Variants in PPIP5K2 observed in about 807,000 individuals in gnomAD.
PPIP5K2 encodes the protein inositol hexakisphosphate and diphosphoinositol-pentakisphosphate kinase 2.
PPIP5K2 carries 105 observed loss-of-function variants against 154.6 expected under a neutral mutation model. The observed-to-expected ratio is 0.68, with a 90% CI of 0.58 to 0.80. The LOEUF is 0.80. Ranked by LOEUF, PPIP5K2 falls within the 30% of genes least tolerant of loss-of-function variation. The pLI, the probability that PPIP5K2 is intolerant of heterozygous loss-of-function variation, is 0.00. For missense variants in PPIP5K2, 992 were observed against 1,504.6 expected, an observed-to-expected ratio of 0.66 and a Z score of 5.64; for synonymous variants, 480 against 490.3, an observed-to-expected ratio of 0.98 and a Z score of 0.28.
chr5:103,149,521 G>A (rs1043358586), intron 8 of PPIP5K2, among the ~76,000 whole-genome samples: 3 of 151,974 alleles, frequency 2.0e-5, no homozygotes, highest in Admixed American at 2.0e-4. Context: ...AATTTATTCA[G>A]AAATTAAAAA....
chr5:103,157,363 A>G (rs553623292), intron 14 of PPIP5K2, among the ~76,000 whole-genome samples: 23 of 152,312 alleles, frequency 1.5e-4, no homozygotes, highest in African/African-American at 5.1e-4. Flanking sequence ...GCTGCTCTTG[A>G]ATACCTTTTG....
intron 2 of PPIP5K2, among the ~76,000 whole-genome samples, 187 bp downstream of exon 2, chr5:103,129,890 A>G (rs921335616): frequency 3.3e-5 from 5 of 152,206 alleles, no homozygotes; most frequent in African/African-American, 1.2e-4. Context: ...TATGTTGTTT[A>G]ATGATGCCTA....
chr5:103,126,375 G>GA (rs201166636), intron 1 of PPIP5K2, among the ~76,000 whole-genome samples: 49 of 150,826 alleles, frequency 3.2e-4, no homozygotes, highest in African/African-American at 9.0e-4. Flanking sequence ...ATACCCTTGG[G>GA]AAAAAAAAAT....
At chr5:103,165,363 C>T (rs901534779) in intron 17 of PPIP5K2, among the ~76,000 whole-genome samples, 1 of 152,002 alleles carries the variant, frequency 6.6e-6, no homozygotes, top group African/African-American at 2.4e-5. Flanking sequence ...CCAAGTTAAG[C>T]CTACCTTTGA....
At chr5:103,137,437 T>C (rs32848) in intron 4 of PPIP5K2, among the ~76,000 whole-genome samples, 51,784 of 151,936 alleles carry the variant, frequency 0.34, 9,269 homozygotes, top group East Asian at 0.45. Context: ...GCTGGGATTA[T>C]AGGTGTGAGC....
chr5:103,176,294 T>A (rs541387912), intron 21 of PPIP5K2, among the ~76,000 whole-genome samples: 1 of 151,994 alleles, frequency 6.6e-6, no homozygotes, highest in Non-Finnish European at 1.5e-5. Flanking sequence ...TACTGGAGTA[T>A]CACAAAATCA....
At chr5:103,185,109 G>A (rs911098378) in intron 26 of PPIP5K2, among the ~76,000 whole-genome samples, 6 of 151,940 alleles carry the variant, frequency 3.9e-5, no homozygotes, top group African/African-American at 1.2e-4. Flanking sequence ...CCATTTTTCT[G>A]GTTAAAAATA....
chr5:103,131,675 T>C (rs1256337871), intron 2 of PPIP5K2, among the ~76,000 whole-genome samples: 5 of 152,192 alleles, frequency 3.3e-5, no homozygotes, highest in Admixed American at 6.5e-5. Flanking sequence ...TTTATAAAAT[T>C]ATTTATTCCA....
chr5:103,161,786 T>A (rs1189717247), intron 17 of PPIP5K2, among the ~76,000 whole-genome samples: 1 of 152,192 alleles, frequency 6.6e-6, no homozygotes, highest in African/African-American at 2.4e-5. Flanking sequence ...CTTCACCCAC[T>A]TTTTGATGGG....
Position 103,184,680 on chromosome 5 carries a change from T to C in PPIP5K2, c.3105T>C (p.Ser1035=), listed in dbSNP as rs148545184. The stretch of plus-strand genomic sequence containing the variant: ...TTGGATTCCTTATGCAGGTTGTATC[T>C]GAAAATGCTAATTACCTGAGAACAC... ...SIFGSWQQVV[S]ENANYLRTPR... The change falls in exon 26 of 31, where the codon TCT becomes TCC. Residue 1035 remains serine (S), a synonymous_variant. Transcript: ENST00000358359. The C allele has an allele frequency of 7.4e-6, 12 of 1,611,146 alleles. No homozygotes were observed. The highest frequency in any genetic ancestry group is 9.3e-6 in the Non-Finnish European group (11 of 1,177,650).
intron 1 of PPIP5K2, among the ~76,000 whole-genome samples, chr5:103,128,966 A>G (rs1554201578): frequency 6.6e-6 from 1 of 152,120 alleles, no homozygotes; most frequent in Admixed American, 6.6e-5. Flanking sequence ...TTTCATAACT[A>G]TGTGCTAAGA....
intron 30 of PPIP5K2, among the ~76,000 whole-genome samples, chr5:103,197,481 C>T (rs189038477): frequency 1.3e-5 from 2 of 150,300 alleles, no homozygotes; most frequent in East Asian, 3.9e-4. Flanking sequence ...TGATCATTCT[C>T]ACTAGGGATT....
At chr5:103,129,841 C>A in intron 2 of PPIP5K2, 138 bp downstream of exon 2, 1 of 1,185,338 alleles carries the variant, frequency 8.4e-7, no homozygotes, top group Non-Finnish European at 1.1e-6. Context: ...GTTGTTGAAT[C>A]TATGATGAAT....
chr5:103,159,270 C>G lies in PPIP5K2; in HGVS notation c.1862C>G (p.Ala621Gly). The G allele has an allele frequency of 6.2e-7, 1 of 1,613,296 alleles. No individual in the cohort carries two copies. The highest frequency in any genetic ancestry group is 8.5e-7 in the Non-Finnish European group (1 of 1,179,692). ...SLSSCQQRVK[A>G]RLHEILQKDR... ...AGCAGTTGTCAGCAACGTGTGAAGG[C>G]AAGGCTTCATGAAATACTTCAGAAA... The change falls in exon 17 of 31, where the codon GCA becomes GGA. Residue 621 changes from alanine (A) to glycine (G), a missense_variant. Transcript: ENST00000358359.
At chr5:103,154,244 C>G (rs1795058846) in intron 11 of PPIP5K2, among the ~76,000 whole-genome samples, 1 of 151,904 alleles carries the variant, frequency 6.6e-6, no homozygotes, top group South Asian at 2.1e-4. Flanking sequence ...AATCCCTCAG[C>G]CTTTTAGAAG....
At chr5:103,138,279 T>A (rs1791920424) in intron 4 of PPIP5K2, 105 bp from the exon 5 acceptor site, 2 of 556,400 alleles carry the variant, frequency 3.6e-6, no homozygotes, top group Non-Finnish European at 5.9e-6. Context: ...ATATATACCC[T>A]TTTTAGTTAT....
chr5:103,184,070 C>T (rs572574161), intron 25 of PPIP5K2, among the ~76,000 whole-genome samples: 3 of 152,264 alleles, frequency 2.0e-5, no homozygotes, highest in East Asian at 3.9e-4. Context: ...TTCAGAAGGA[C>T]TTCCTGTGAT....
chr5:103,153,464 C>T (rs2149579307), intron 10 of PPIP5K2, among the ~76,000 whole-genome samples: 1 of 151,898 alleles, frequency 6.6e-6, no homozygotes, highest in Middle Eastern at 3.4e-3. Context: ...ATAAATATAG[C>T]AACCATCATG....
At chr5:103,186,214 G>A (rs1409608418) in intron 26 of PPIP5K2, 106 bp from the exon 27 acceptor site, 7 of 1,414,702 alleles carry the variant, frequency 4.9e-6, no homozygotes, top group Non-Finnish European at 6.8e-6. Flanking sequence ...CACTTCCAAA[G>A]GTTGCCTTAT....
Sources: allele counts gnomAD v4.1 joint callset (sites outside exome capture counted in the v4.1 genomes callset), GRCh38; gene constraint gnomAD v4.1.1; transcripts MANE v1.5; gene names NCBI Gene and HGNC (gene_info 2026-07-23, HGNC 2026-07-21).